PTRH1: variants seen among roughly 807,000 people sequenced by gnomAD.
PTRH1 encodes peptidyl-tRNA hydrolase.
A neutral mutation model predicts 15.7 loss-of-function variants in PTRH1; 13 were observed. That is an observed-to-expected ratio of 0.83 (90% CI 0.54 to 1.31). PTRH1 has a LOEUF of 1.31. Among genes scored for constraint, PTRH1 ranks in the 40% most tolerant of loss-of-function variants. The pLI is 0.00. For missense variants in PTRH1, 319 were observed against 296.2 expected (o/e 1.08, Z -0.56); for synonymous variants, 139 against 136.7 (o/e 1.02, Z -0.12).
chr9:127,712,644 T>C, downstream of PTRH1: 1 of 1,612,930 alleles, frequency 6.2e-7, no homozygotes, highest in Non-Finnish European at 8.5e-7. Context: ...GAGGTTGGAA[T>C]TTCCTGGACG....
intron 1 of PTRH1, among the ~76,000 whole-genome samples, chr9:127,700,112 A>G (rs1680407557): frequency 6.6e-6 from 1 of 152,038 alleles, no homozygotes. Flanking sequence ...TAAAAAAGCA[A>G]CTTGGAACCT....
chr9:127,703,053 T>TG (rs1203373553), intron 1 of PTRH1, among the ~76,000 whole-genome samples: 1 of 152,064 alleles, frequency 6.6e-6, no homozygotes, highest in African/African-American at 2.4e-5. Context: ...ATCCACTTTT[T>TG]GTTCTGTTTC....
chr9:127,698,227 T>C (rs1842577615), intron 1 of PTRH1, among the ~76,000 whole-genome samples: 1 of 152,058 alleles, frequency 6.6e-6, no homozygotes, highest in South Asian at 2.1e-4. Context: ...AGACCCCGAA[T>C]CTATTTAAAA....
At position 127,715,625 on chromosome 9, in the gene PTRH1, G is replaced by A. The variant is rs762189027; in HGVS notation, c.15C>T (p.Gly5=). Residue 5 remains glycine, a synonymous_variant, in exon 1 of 5, where the codon GGC becomes GGT. Coordinates refer to ENST00000543175, the MANE Select transcript of PTRH1 (RefSeq NM_001002913.3). This position sits in a 1 kb window ranked among gnomAD's most constrained non-coding sequence, Gnocchi z 5.8. ...TCAGCCGCTGTCCGGCGCCCAAAAA[G>A]CCGCCCGGCCTCATGCTGCCCCCAT... The part of the protein sequence containing the change: MRPG[G]FLGAGQRLSR... 2.5e-6 allele frequency: 4 copies of A among 1,612,256 alleles called. No homozygotes were observed. Among genetic ancestry groups the A allele is most frequent in the African/African-American group, 1.3e-5 (1 of 74,934 alleles).
At chr9:127,711,334 C>T, downstream of PTRH1, 1 of 1,614,202 alleles carries the variant, frequency 6.2e-7, no homozygotes, top group Non-Finnish European at 8.5e-7. Flanking sequence ...TCAAAGAGAA[C>T]AACGGCATTA....
chr9:127,712,689 C>T, downstream of PTRH1: 1 of 1,614,066 alleles, frequency 6.2e-7, no homozygotes, highest in Non-Finnish European at 8.5e-7. Context: ...GGCCTGCTGC[C>T]ACCCCACCCT....
At chr9:127,713,251 C>T (rs773251319), downstream of PTRH1, 1 of 1,421,934 alleles carries the variant, frequency 7.0e-7, no homozygotes, top group Non-Finnish European at 9.5e-7. Flanking sequence ...GGCAGCTAGT[C>T]CTGGGTACAA....
chr9:127,709,568 A>G, downstream of PTRH1: 1 of 1,614,112 alleles, frequency 6.2e-7, no homozygotes, highest in Non-Finnish European at 8.5e-7. The surrounding 1 kb of genome is among the most constrained non-coding windows in gnomAD (Gnocchi z 4.7). Flanking sequence ...GACCTCAACG[A>G]GCAGCTCCAG....
downstream of PTRH1, among the ~76,000 whole-genome samples, chr9:127,708,923 C>T (rs922266465): frequency 3.3e-5 from 5 of 152,180 alleles, no homozygotes; most frequent in African/African-American, 9.7e-5. Context: ...CAGAGCTGGC[C>T]GACTGCAGCA....
At chr9:127,700,359 T>A (rs1842594689) in intron 1 of PTRH1, among the ~76,000 whole-genome samples, 1 of 152,160 alleles carries the variant, frequency 6.6e-6, no homozygotes, top group African/African-American at 2.4e-5. Context: ...GCCTCCATGA[T>A]GGGGGCTGTT....
At chr9:127,710,881 C>A, downstream of PTRH1, 1 of 1,056,880 alleles carries the variant, frequency 9.5e-7, no homozygotes, top group Non-Finnish European at 1.4e-6. Context: ...GCCCCGACAA[C>A]CTGCTACTCC....
intron 1 of PTRH1, chr9:127,707,199 G>A (rs1588387396): frequency 6.2e-7 from 1 of 1,608,448 alleles, no homozygotes; most frequent in East Asian, 2.2e-5. Context: ...CCCGGTGCGT[G>A]GGCTGGCGGG....
downstream of PTRH1, chr9:127,711,492 A>C: frequency 6.2e-7 from 1 of 1,612,908 alleles, no homozygotes; most frequent in Non-Finnish European, 8.5e-7. Context: ...AGAGGCCACC[A>C]GAAGGTGTGC....
intron 1 of PTRH1, chr9:127,706,998 T>C (rs745964553): frequency 6.2e-7 from 1 of 1,610,298 alleles, no homozygotes; most frequent in Non-Finnish European, 8.5e-7. Context: ...ACCTGGCCTC[T>C]TCCTGGGGCC....
chr9:127,712,739 G>A (rs1192310149), downstream of PTRH1: 1 of 1,614,148 alleles, frequency 6.2e-7, no homozygotes. Flanking sequence ...CAGTGACGTT[G>A]ACGTGACGTT....
downstream of PTRH1, chr9:127,712,873 G>A (rs747094996): frequency 1.9e-6 from 3 of 1,609,812 alleles, no homozygotes; most frequent in East Asian, 2.2e-5. Flanking sequence ...CACCCAAGGA[G>A]AGGTAAGCAA....
At chr9:127,695,345 G>A in intron 1 of PTRH1, 1 of 550,890 alleles carries the variant, frequency 1.8e-6, no homozygotes, top group South Asian at 2.7e-5. Flanking sequence ...ACACAGACAG[G>A]ATAGTGCATT....
chr9:127,710,601 G>T (rs202023603), downstream of PTRH1: 79 of 1,579,846 alleles, frequency 5.0e-5, no homozygotes, highest in Middle Eastern at 5.1e-4. Context: ...TGGCGGCCAG[G>T]GGGGAAGCTG....
rs1842636302 is a variant in PTRH1 at position 127,705,360 on chromosome 9, T to G, written c.205+10075A>C. 6.6e-6 allele frequency among the ~76,000 whole-genome samples: 1 copy of G among 152,162 alleles called. No homozygotes were observed. Among genetic ancestry groups the G allele is most frequent in the Admixed American group, 6.5e-5 (1 of 15,284 alleles). On this transcript the variant is annotated intron_variant, in intron 1 of 2. Coordinates refer to the PTRH1 transcript ENST00000335223. This position sits in a 1 kb window ranked among gnomAD's most constrained non-coding sequence, Gnocchi z 4.7. ...GGCCTATGGTCCAAAGTAGGGAGCT[T>G]TGGGGAGAGTCTCCAAGCAAACCCC...
Sources: gnomAD v4.1 joint callset for allele counts (sites outside exome capture counted in the v4.1 genomes callset) on GRCh38, gnomAD v4.1.1 for gene constraint, Gnocchi (gnomAD v3.1) non-coding constraint, MANE v1.5 for transcripts, NCBI Gene and HGNC (gene_info 2026-07-23, HGNC 2026-07-21) for gene names.